The following LCN8 variants were observed in gnomAD, a reference collection of about 807,000 sequenced individuals.
The protein encoded by LCN8 is lipocalin 8.
A neutral mutation model predicts 22.8 loss-of-function variants in LCN8; 16 were observed. That is an observed-to-expected ratio of 0.70 (90% confidence interval 0.47 to 1.06). The LOEUF is 1.06. LCN8 is among the 50% of genes least tolerant of loss of function. The pLI, the probability that LCN8 is intolerant of heterozygous loss-of-function variation, is 0.00. For synonymous variants in LCN8, 92 were observed against 83.4 expected (o/e 1.10, Z -0.56); for missense variants, 189 against 203.3 (o/e 0.93, Z 0.43).
intron 2 of LCN8, 106 bp from the exon 3 acceptor site, chr9:136,756,698 T>G: frequency 6.8e-7 from 1 of 1,465,730 alleles, no homozygotes; most frequent in South Asian, 1.3e-5. Flanking sequence ...CAGGCAGCAC[T>G]GTGGAGTATC....
intron 6 of LCN8, chr9:136,754,770 C>G: frequency 7.3e-7 from 1 of 1,377,224 alleles, no homozygotes; most frequent in Non-Finnish European, 9.4e-7. Flanking sequence ...AGGATCTGTG[C>G]CCCGCCGCCG....
At chr9:136,755,187 T>C in intron 5 of LCN8, 27 bp from the exon 6 acceptor site, 2 of 1,606,236 alleles carry the variant, frequency 1.2e-6, no homozygotes, top group African/African-American at 1.3e-5. Flanking sequence ...CATGAGGAGC[T>C]GCAGAGTCAG....
chr9:136,757,330 C>G (rs954188994), intron 1 of LCN8, 162 bp from the exon 2 acceptor site: 6 of 1,452,292 alleles, frequency 4.1e-6, no homozygotes, highest in Non-Finnish European at 5.4e-6. Flanking sequence ...CCCACTGTCC[C>G]CAGGCATGTG....
chr9:136,754,952 C>G (rs1847147610), intron 6 of LCN8, 183 bp downstream of exon 6: 7 of 1,398,154 alleles, frequency 5.0e-6, no homozygotes, highest in Non-Finnish European at 6.5e-6. Flanking sequence ...TCTTTCCAAA[C>G]CAGGAGACAG....
Position 136,756,522 on chromosome 9 carries a change from C to G in LCN8, c.226G>C (p.Gly76Arg), listed in dbSNP as rs780117044. The G allele has an allele frequency of 6.2e-7, 1 of 1,614,130 alleles. No homozygotes were observed. Among genetic ancestry groups the G allele is most frequent in the Non-Finnish European group, 8.5e-7 (1 of 1,180,012 alleles). ...IDSTGKFAFPGHREIHVLDTD... is the reference protein window; with the variant it reads ...IDSTGKFAFPRHREIHVLDTD... ...GCCATCACAGGGCAACTGCACTTAC[C>G]AGGAAAAGCGAATTTTCCCGTACTG... The change falls in exon 3 of 7, where the codon GGC (glycine) becomes CGC (arginine). Residue 76 changes from glycine (G) to arginine (R), a missense_variant and splice_region_variant. Transcript: ENST00000371688.
rs367632310 is a variant in LCN8 at position 136,756,980 on chromosome 9, A to G, written c.155+58T>C. On this transcript the variant is annotated intron_variant, in intron 2 of 6. Transcript: ENST00000371688. ...CACGCTGCAGCGGGTGCAGCAACCC[A>G]CGCCCAGTCCCCGGCCATGCATGCC... 929 of 1,579,074 alleles carry G rather than the reference A, an allele frequency of 5.9e-4. 6 individuals carry two copies. In the African/African-American group the frequency reaches 0.011, roughly 18 times the overall value.
In LCN8 at chr9:136,757,186, CT is replaced by C. The variant is rs1181437940; in HGVS notation, c.25-19del. The C allele has an allele frequency of 1.2e-5, 19 of 1,608,214 alleles. No homozygotes were observed. The highest frequency in any genetic ancestry group is 1.5e-5 in the Non-Finnish European group (18 of 1,177,440). ...CCTCCAATCTAGAGAGATACGGAGC[CT>C]GGCCAAGAGCTGAGCAGTGGGTCTG... On this transcript the variant is annotated intron_variant, in intron 1 of 6. Coordinates refer to ENST00000371688, the MANE Select transcript of LCN8 (RefSeq NM_178469.4).
chr9:136,755,191 G>C, intron 5 of LCN8, 31 bp from the exon 6 acceptor site: 2 of 1,606,938 alleles, frequency 1.2e-6, no homozygotes, highest in Non-Finnish European at 1.7e-6. Context: ...AGGAGCTGCA[G>C]AGTCAGCCCA....
In LCN8 at chr9:136,755,000, T is replaced by C. The variant is rs554165510; in HGVS notation, c.447+135A>G. The C allele has an allele frequency of 2.8e-5, 40 of 1,431,998 alleles. No homozygotes were observed. The South Asian group carries it at 6.2e-4, about 22-fold the overall frequency. The allele number at this position is 1,431,998 out of a possible 1,614,324, so 88.7% of individuals were successfully genotyped here. ...AGCTGCCCACCAGTGGTGTTTGGTG[T>C]CCTGTTCACAGGAAGGGGTGAGAAG... On this transcript the variant is annotated intron_variant, in intron 6 of 6. Coordinates refer to ENST00000371688, the MANE Select transcript of LCN8 (RefSeq NM_178469.4).
At chr9:136,758,315 C>G, upstream of LCN8, 1 of 1,146,064 alleles carries the variant, frequency 8.7e-7, no homozygotes, top group Non-Finnish European at 1.1e-6. Flanking sequence ...TGACCCCCAC[C>G]CCACATGACA....
At chr9:136,755,899 G>C (rs1045532938) in intron 3 of LCN8, 28 of 1,299,050 alleles carry the variant, frequency 2.2e-5, no homozygotes, top group South Asian at 2.1e-4. Flanking sequence ...GCAGGGAGCA[G>C]TGCGGGGAAC....
At position 136,757,100 on chromosome 9, in the gene LCN8, C is replaced by T. The variant is rs901872824; in HGVS notation, c.93G>A (p.Arg31=). ...DQSLVLTAPK[R]VEGLFLTLSG... is the part of the protein sequence containing the mutation. ...TCAAGGTGAGGAACAAGCCCTCCAC[C>T]CGCTTCGGGGCCGTCAGCACCAGGC... Residue 31 remains arginine, a synonymous_variant, in exon 2 of 7, where the codon CGG becomes CGA. Coordinates refer to ENST00000371688, the MANE Select transcript of LCN8 (RefSeq NM_178469.4). 1.9e-6 allele frequency: 3 copies of T among 1,613,462 alleles called. No individual in the cohort carries two copies. The highest frequency in any genetic ancestry group is 2.2e-5 in the East Asian group (1 of 44,874).
chr9:136,757,762 C>A, intron 1 of LCN8, 145 bp downstream of exon 1: 4 of 1,564,292 alleles, frequency 2.6e-6, no homozygotes, highest in South Asian at 2.4e-5. Flanking sequence ...ACAGACTCAG[C>A]GGAGAAGAAA....
chr9:136,754,983 A>G (rs1588306267), intron 6 of LCN8, 152 bp downstream of exon 6: 2 of 1,418,188 alleles, frequency 1.4e-6, no homozygotes, highest in African/African-American at 2.9e-5. Context: ...GGAGCTGCCC[A>G]CCAGTGGTGT....
intron 6 of LCN8, chr9:136,754,885 C>T: frequency 7.3e-7 from 1 of 1,363,492 alleles, no homozygotes; most frequent in South Asian, 2.0e-5. Flanking sequence ...CCCCGTGACC[C>T]CAGCCTCCCA....
Position 136,755,223 on chromosome 9 carries a change from C to A in LCN8, c.421+21G>T, listed in dbSNP as rs370780303. ...CCCACAGGGCCCAGCCCAGCCTCCA[C>A]CCCAAGGCCCCTGGGCTCACCAGGC... On this transcript the variant is annotated intron_variant, in intron 5 of 6. Coordinates refer to ENST00000371688, the MANE Select transcript of LCN8 (RefSeq NM_178469.4). 3.4e-5 allele frequency: 54 copies of A among 1,611,842 alleles called. 1 individual carries two copies. In the African/African-American group the frequency reaches 4.5e-4, roughly 14 times the overall value.
At chr9:136,755,723 T>A (rs914259403) in intron 3 of LCN8, 2 of 1,516,972 alleles carry the variant, frequency 1.3e-6, no homozygotes, top group African/African-American at 1.4e-5. Flanking sequence ...GGGAACAGCA[T>A]GGGGAACAGT....
intron 3 of LCN8, 150 bp downstream of exon 3, chr9:136,756,372 G>A (rs1847198934): frequency 1.3e-6 from 2 of 1,590,236 alleles, no homozygotes; most frequent in East Asian, 2.3e-5. Flanking sequence ...ATAGTTCAGG[G>A]AACAGCATGG....
Position 136,757,171 on chromosome 9 carries a change from A to G in LCN8, c.25-3T>C, listed in dbSNP as rs747959418. On this transcript the variant is annotated splice_region_variant and splice_polypyrimidine_tract_variant and intron_variant, in intron 1 of 6. Coordinates refer to ENST00000371688, the MANE Select transcript of LCN8 (RefSeq NM_178469.4). ...ACTTCCCTCCAGAATCCTCCAATCT[A>G]GAGAGATACGGAGCCTGGCCAAGAG... The G allele has an allele frequency of 2.5e-6, 4 of 1,611,698 alleles. No individual in the cohort carries two copies. Among genetic ancestry groups the G allele is most frequent in the South Asian group, 2.2e-5 (2 of 90,554 alleles).
Sources: gnomAD v4.1 joint callset for allele counts on GRCh38, gnomAD v4.1.1 for gene constraint, MANE v1.5 for transcripts, NCBI Gene and HGNC (gene_info 2026-07-23, HGNC 2026-07-21) for gene names.